Variants in TTC3 observed in about 807,000 individuals in gnomAD.
TTC3 encodes the protein E3 ubiquitin-protein ligase TTC3.
A neutral mutation model predicts 249.6 loss-of-function variants in TTC3; 180 were observed. The ratio of observed to expected loss-of-function variants is 0.72; its 90% CI spans 0.64 to 0.82. TTC3 has a LOEUF of 0.82. TTC3 is among the 40% of genes least tolerant of loss of function. TTC3 has a pLI of 0.00. For synonymous variants in TTC3, 717 were observed against 805.0 expected (o/e 0.89, Z 1.85); for missense variants, 2,061 against 2,398.4 (o/e 0.86, Z 2.94).
chr21:37,097,889 T>C (rs751592925), intron 10 of TTC3: 54 of 700,306 alleles, frequency 7.7e-5, no homozygotes, highest in Non-Finnish European at 1.0e-4. Context: ...ATAACATTTA[T>C]TGTGTTTTTC....
intron 37 of TTC3, 41 bp from the exon 38 acceptor site, chr21:37,187,008 T>G: frequency 5.2e-6 from 7 of 1,350,284 alleles, no homozygotes; most frequent in Non-Finnish European, 7.0e-6. Flanking sequence ...CACTGTGAAA[T>G]TTTGTTCAAG....
rs771397582 is a variant in TTC3, at chr21:37,135,429, A to G, written c.1493A>G (p.Tyr498Cys). The G allele has an allele frequency of 8.7e-6, 14 of 1,613,942 alleles. No homozygotes were observed. Among genetic ancestry groups the G allele is most frequent in the Non-Finnish European group, 1.1e-5 (13 of 1,179,934 alleles). The change falls in exon 18 of 46, where the codon TAT becomes TGT. Residue 498 changes from tyrosine (Y) to cysteine (C), a missense_variant. Tyr to Cys is a radical substitution (Grantham distance 194, BLOSUM62 -2). Transcript: ENST00000355666. ...CTGAGAAGCTTAATTCAAGATGGCT[A>G]TATGGCCTTATTGGAGCAGCGTTGC...
intron 11 of TTC3, among the ~76,000 whole-genome samples, chr21:37,114,347 AAAC>A (rs1338868305): frequency 6.6e-6 from 1 of 152,150 alleles, no homozygotes; most frequent in Middle Eastern, 3.2e-3. Context: ...TACAAGAAAA[AAAC>A]AACCCCATCA....
At chr21:37,185,599 TA>T in intron 36 of TTC3, 106 bp from the exon 37 acceptor site, 1 of 515,224 alleles carries the variant, frequency 1.9e-6, no homozygotes, top group Non-Finnish European at 3.3e-6. Context: ...ATATATATAT[TA>T]AAAAATCAAG....
intron 35 of TTC3, among the ~76,000 whole-genome samples, chr21:37,180,548 G>T (rs1236600394): frequency 6.5e-5 from 9 of 139,374 alleles, no homozygotes; most frequent in African/African-American, 2.2e-4. Context: ...CTCATAGGTG[G>T]GAATTGAACA....
chr21:37,151,794 A>G lies in TTC3; in HGVS notation c.2277-99A>G, dbSNP rs183157742. On this transcript the variant is annotated intron_variant, in intron 25 of 45. Coordinates refer to ENST00000355666, the Ensembl canonical transcript of TTC3. The stretch of plus-strand genomic sequence containing the variant: ...GAAGATGTAGGCCGGGCTCTGATTA[A>G]AAAAGGAAAACTTCTAATATATTGC... 243 of 1,354,676 alleles carry G rather than the reference A, an allele frequency of 1.8e-4. No individual in the cohort carries two copies. The Middle Eastern group carries it at 2.5e-3, about 14-fold the overall frequency. The allele number at this position is 1,354,676 out of a possible 1,614,324, so 83.9% of individuals were successfully genotyped here.
intron 18 of TTC3, 88 bp downstream of exon 18, chr21:37,135,602 T>C: frequency 6.8e-7 from 1 of 1,472,422 alleles, no homozygotes; most frequent in Non-Finnish European, 9.2e-7. Flanking sequence ...CTCATTGTAG[T>C]AATGTACCTA....
intron 34 of TTC3, among the ~76,000 whole-genome samples, chr21:37,170,985 T>G (rs1254878171): frequency 6.6e-6 from 1 of 152,254 alleles, no homozygotes; most frequent in African/African-American, 2.4e-5. Context: ...TATTGTAGAC[T>G]TGTTTCCATA....
intron 19 of TTC3, among the ~76,000 whole-genome samples, chr21:37,140,237 AAAAAAC>A (rs775192347): frequency 1.6e-4 from 25 of 152,114 alleles, no homozygotes; most frequent in Non-Finnish European, 3.4e-4. Context: ...AGCCTTTTTT[AAAAAAC>A]AAAAACAAAA....
At chr21:37,172,840 T>G (rs949202115) in intron 35 of TTC3, 96 bp downstream of exon 35, 1 of 1,398,564 alleles carries the variant, frequency 7.2e-7, no homozygotes, top group South Asian at 1.4e-5. Context: ...AACTTCTGCA[T>G]TGGTGGCTAA....
intron 41 of TTC3, chr21:37,193,947 T>TA (rs1432675844): frequency 6.6e-6 from 1 of 152,232 alleles, no homozygotes; most frequent in Non-Finnish European, 1.5e-5. Flanking sequence ...AATAGGAACT[T>TA]ACCAGACAAA....
chr21:37,099,794 C>G (rs574704885), intron 10 of TTC3, among the ~76,000 whole-genome samples: 1 of 152,264 alleles, frequency 6.6e-6, no homozygotes, highest in Admixed American at 6.5e-5. Context: ...CTCATATCCT[C>G]TGAACTCTCA....
chr21:37,189,826 G>A (rs576377453), intron 39 of TTC3, among the ~76,000 whole-genome samples: 2 of 151,328 alleles, frequency 1.3e-5, no homozygotes, highest in African/African-American at 4.9e-5. Flanking sequence ...GATTACAGGA[G>A]TGCCTCCCAA....
intron 15 of TTC3, 116 bp downstream of exon 15, chr21:37,126,259 T>C: frequency 4.2e-6 from 3 of 722,576 alleles, no homozygotes; most frequent in Non-Finnish European, 6.6e-6. Context: ...CTTTACTTTA[T>C]AATGCTTCTA....
rs771282205 is a variant in TTC3 at position 37,121,989 on chromosome 21, C to T, written c.1063+10C>T. ...ATAGAAGACCTACAAGGTATTTCAC[C>T]TAAGATTCTTTTGGTTACAGTCTTA... On this transcript the variant is annotated intron_variant, in intron 12 of 45. Transcript: ENST00000355666. 1.3e-6 allele frequency: 2 copies of T among 1,596,016 alleles called. No homozygotes were observed. The highest frequency in any genetic ancestry group is 1.1e-5 in the South Asian group (1 of 87,276).
At chr21:37,080,589 T>C (rs2071500937) in intron 1 of TTC3, among the ~76,000 whole-genome samples, 1 of 152,204 alleles carries the variant, frequency 6.6e-6, no homozygotes, top group African/African-American at 2.4e-5. Context: ...TACTAGTTTC[T>C]AACAGATTTC....
chr21:37,075,166 C>CT (rs11418024), intron 1 of TTC3, among the ~76,000 whole-genome samples: 79,366 of 138,066 alleles, frequency 0.57, 23,260 homozygotes, highest in Non-Finnish European at 0.67. Context: ...TTGCAACTTG[C>CT]TTTTTTTTTT....
At chr21:37,105,068 G>A (rs2074943480) in intron 10 of TTC3, among the ~76,000 whole-genome samples, 2 of 152,184 alleles carry the variant, frequency 1.3e-5, no homozygotes, top group South Asian at 2.1e-4. Flanking sequence ...TAAGTGTGGT[G>A]TCATAGAAGT....
At chr21:37,152,103 C>G (rs2079523493) in intron 26 of TTC3, 74 bp downstream of exon 26, 3 of 1,366,226 alleles carry the variant, frequency 2.2e-6, no homozygotes. Flanking sequence ...ATCTTTTGGG[C>G]CTTATATTCA....
Sources: allele counts gnomAD v4.1 joint callset (sites outside exome capture counted in the v4.1 genomes callset), GRCh38; gene constraint gnomAD v4.1.1; transcripts MANE v1.5; gene names NCBI Gene and HGNC (gene_info 2026-07-23, HGNC 2026-07-21).